The following SLC60A2 variants were observed in gnomAD, a reference collection of about 807,000 sequenced individuals.
SLC60A2 encodes the protein major facilitator superfamily domain containing 4B.
the SLC60A2 span, chr6:111,263,799 AT>A: frequency 4.9e-6 from 6 of 1,224,258 alleles, no homozygotes; most frequent in Non-Finnish European, 7.2e-6. Context: ...CATGGATATT[AT>A]TTTTTATAGC....
the SLC60A2 span, chr6:111,259,349 C>A: frequency 1.3e-5 from 4 of 310,072 alleles, no homozygotes; most frequent in Non-Finnish European, 1.8e-5. Flanking sequence ...GGAGAGCGAG[C>A]GTCTTTTGCC....
chr6:111,262,740 T>G, the SLC60A2 span, among the ~76,000 whole-genome samples: 1 of 152,172 alleles, frequency 6.6e-6, no homozygotes, highest in African/African-American at 2.4e-5. Flanking sequence ...TTAGAGGGTT[T>G]AGGGCAGATT....
the SLC60A2 span, chr6:111,265,867 C>T: frequency 6.4e-7 from 1 of 1,563,372 alleles, no homozygotes; most frequent in Non-Finnish European, 8.6e-7. Flanking sequence ...TCCCATCTTT[C>T]ATCGACAGGT....
the SLC60A2 span, among the ~76,000 whole-genome samples, chr6:111,279,846 G>A: frequency 5.3e-5 from 8 of 152,184 alleles, no homozygotes; most frequent in South Asian, 2.1e-4. Flanking sequence ...AGGCCAAGGC[G>A]GGAGGATACC....
At chr6:111,279,179 C>T in the SLC60A2 span, among the ~76,000 whole-genome samples, 2 of 152,054 alleles carry the variant, frequency 1.3e-5, no homozygotes, top group African/African-American at 2.4e-5. Flanking sequence ...TACTAATGAC[C>T]GTGGTTTTTT....
the SLC60A2 span, chr6:111,263,958 C>T: frequency 5.2e-6 from 7 of 1,345,312 alleles, no homozygotes; most frequent in Non-Finnish European, 7.5e-6. Flanking sequence ...TTAGTGAGCT[C>T]TTCAACGTCA....
the SLC60A2 span, chr6:111,267,983 C>CT: frequency 7.2e-5 from 11 of 152,248 alleles, no homozygotes; most frequent in Admixed American, 7.2e-4. Context: ...GCCCTGCACT[C>CT]TGTCACTTAA....
the SLC60A2 span, among the ~76,000 whole-genome samples, chr6:111,273,929 C>T: frequency 0.014 from 2,153 of 152,118 alleles, 41 homozygotes; most frequent in African/African-American, 0.048. Context: ...CAGTATGTTT[C>T]CCAGGCAGGT....
the SLC60A2 span, among the ~76,000 whole-genome samples, chr6:111,271,581 T>A: frequency 4.6e-5 from 7 of 151,376 alleles, no homozygotes; most frequent in African/African-American, 9.7e-5. Flanking sequence ...TTTATTTTTT[T>A]AAAAAAACCT....
chr6:111,260,200 G>C, the SLC60A2 span, among the ~76,000 whole-genome samples: 10 of 152,292 alleles, frequency 6.6e-5, no homozygotes, highest in African/African-American at 2.4e-4. Flanking sequence ...CGTGAGCCAC[G>C]GCGCCCGGCC....
the SLC60A2 span, among the ~76,000 whole-genome samples, chr6:111,261,053 A>C: frequency 6.6e-6 from 1 of 152,210 alleles, no homozygotes. Context: ...ATTTCCTCTG[A>C]AAGTCAATTG....
the SLC60A2 span, among the ~76,000 whole-genome samples, chr6:111,275,926 A>G: frequency 6.6e-6 from 1 of 152,182 alleles, no homozygotes; most frequent in African/African-American, 2.4e-5. Context: ...TTAAACAGTA[A>G]CTGCCATTCT....
the SLC60A2 span, among the ~76,000 whole-genome samples, chr6:111,265,017 C>T: frequency 1.3e-5 from 2 of 152,074 alleles, no homozygotes; most frequent in African/African-American, 2.4e-5. Context: ...TGCTTGAACC[C>T]AGGAGGTGGA....
chr6:111,259,857 A>G, the SLC60A2 span: 1 of 650,112 alleles, frequency 1.5e-6, no homozygotes, highest in Non-Finnish European at 2.4e-6. Flanking sequence ...AATGGGCACA[A>G]TTCTAATCTT....
the SLC60A2 span, among the ~76,000 whole-genome samples, chr6:111,273,059 G>T: frequency 6.6e-6 from 1 of 152,184 alleles, no homozygotes; most frequent in Non-Finnish European, 1.5e-5. Context: ...TCGAACTCCC[G>T]ACCTCAGGTG....
At chr6:111,259,404 T>C in the SLC60A2 span, 1 of 392,156 alleles carries the variant, frequency 2.6e-6, no homozygotes, top group South Asian at 8.8e-5. Context: ...CTGCCCCGGT[T>C]CCGGGCGGTC....
the SLC60A2 span, chr6:111,265,839 TTTAAC>T: frequency 1.3e-6 from 2 of 1,533,458 alleles, no homozygotes; most frequent in Non-Finnish European, 1.8e-6. Context: ...TAAGTAACTG[TTTAAC>T]TTAAATAATT....
chr6:111,275,016 G>A, the SLC60A2 span, among the ~76,000 whole-genome samples: 1 of 151,818 alleles, frequency 6.6e-6, no homozygotes, highest in Non-Finnish European at 1.5e-5. Context: ...TCGGACTCCT[G>A]GGCTCAAGCA....
chr6:111,268,435 T>C, the SLC60A2 span: 1 of 152,244 alleles, frequency 6.6e-6, no homozygotes, highest in Non-Finnish European at 1.5e-5. Flanking sequence ...AATCAGTGGC[T>C]TAGATTCAGT....
Sources: gnomAD v4.1 joint callset for allele counts (sites outside exome capture counted in the v4.1 genomes callset) on GRCh38, gnomAD v4.1.1 for gene constraint, MANE v1.5 for transcripts, NCBI Gene and HGNC (gene_info 2026-07-23, HGNC 2026-07-21) for gene names.